Variants in ARMC3 observed in about 807,000 individuals in gnomAD.
ARMC3 encodes the protein armadillo repeat containing 3.
Under a neutral mutation model 90.3 loss-of-function variants are expected in ARMC3, and 74 were observed. That is an observed-to-expected ratio of 0.82 (90% CI 0.68 to 0.99). The LOEUF (loss-of-function observed/expected upper bound fraction) is 0.99. Ranked by LOEUF, ARMC3 falls within the 50% of genes least tolerant of loss-of-function variation. The probability of loss-of-function intolerance (pLI) is 0.00; values close to 1 mark genes in which losing one functional copy is unlikely to be tolerated. For missense variants in ARMC3, 958 were observed against 1,042.8 expected (o/e 0.92, Z 1.12); for synonymous variants, 334 against 361.8 (o/e 0.92, Z 0.87).
intron 3 of ARMC3, among the ~76,000 whole-genome samples, chr10:22,954,365 A>T (rs1409214648): frequency 1.3e-5 from 2 of 152,136 alleles, no homozygotes; most frequent in African/African-American, 4.8e-5. Flanking sequence ...TGTTATGTTT[A>T]TAGAAAAATG....
intron 18 of ARMC3, among the ~76,000 whole-genome samples, chr10:23,033,471 G>A (rs1487182377): frequency 6.6e-6 from 1 of 152,110 alleles, no homozygotes; most frequent in Admixed American, 6.6e-5. Flanking sequence ...AGTAAAGAAG[G>A]AAAACAAGCG....
chr10:22,978,455 A>C (rs996973186), intron 8 of ARMC3, among the ~76,000 whole-genome samples: 15 of 152,292 alleles, frequency 9.8e-5, no homozygotes, highest in Non-Finnish European at 1.9e-4. Context: ...TTCAATTATC[A>C]CCACCTGTTC....
chr10:23,006,740 T>G, intron 13 of ARMC3, 144 bp from the exon 14 acceptor site: 1 of 645,690 alleles, frequency 1.5e-6, no homozygotes, highest in South Asian at 1.8e-5. Context: ...TATTTCTAAT[T>G]TTATATATGT....
intron 2 of ARMC3, among the ~76,000 whole-genome samples, chr10:22,941,194 A>G (rs1416145763): frequency 1.3e-5 from 2 of 152,208 alleles, no homozygotes; most frequent in Non-Finnish European, 2.9e-5. Context: ...GACCAGTCAT[A>G]GGAGGGGAAT....
At chr10:22,928,309 C>A (rs1422837700) in intron 1 of ARMC3, among the ~76,000 whole-genome samples, 1 of 152,180 alleles carries the variant, frequency 6.6e-6, no homozygotes, top group Non-Finnish European at 1.5e-5. Flanking sequence ...TCCCATTCAA[C>A]AGGTGACAAA....
intron 17 of ARMC3, among the ~76,000 whole-genome samples, chr10:23,032,534 T>C (rs78585164): frequency 0.015 from 2,343 of 152,208 alleles, 51 homozygotes; most frequent in African/African-American, 0.053. Flanking sequence ...TTTTCAAGAG[T>C]AAGAAAAAAT....
intron 10 of ARMC3, among the ~76,000 whole-genome samples, chr10:22,994,975 G>A (rs1836886300): frequency 6.6e-6 from 1 of 152,154 alleles, no homozygotes; most frequent in Non-Finnish European, 1.5e-5. Context: ...ACTCCAACTG[G>A]ATGGAGACTA....
At chr10:22,994,407 T>C (rs1475073014) in intron 10 of ARMC3, among the ~76,000 whole-genome samples, 2 of 151,984 alleles carry the variant, frequency 1.3e-5, no homozygotes, top group African/African-American at 4.8e-5. Context: ...TGTCAGAAAT[T>C]TGGGGGTAGG....
At chr10:23,012,420 CAT>C (rs1838059241) in intron 16 of ARMC3, among the ~76,000 whole-genome samples, 1 of 152,128 alleles carries the variant, frequency 6.6e-6, no homozygotes, top group African/African-American at 2.4e-5. Context: ...TCCTACTCTC[CAT>C]AGTTTTAGCT....
intron 4 of ARMC3, 112 bp downstream of exon 4, chr10:22,956,044 T>A (rs1834926014): frequency 1.9e-6 from 2 of 1,068,096 alleles, no homozygotes; most frequent in African/African-American, 3.2e-5. Flanking sequence ...GACTTTCATG[T>A]TCACAAAAAC....
intron 10 of ARMC3, among the ~76,000 whole-genome samples, chr10:22,983,841 A>G (rs1836292691): frequency 6.6e-6 from 1 of 152,236 alleles, no homozygotes; most frequent in African/African-American, 2.4e-5. Context: ...AGAAGTGACT[A>G]CAAATGTGAT....
chr10:23,005,230 A>G (rs1444818621), intron 13 of ARMC3, among the ~76,000 whole-genome samples: 1 of 151,456 alleles, frequency 6.6e-6, no homozygotes, highest in African/African-American at 2.4e-5. Flanking sequence ...AAAAAAAAAA[A>G]AAACCAAACC....
At chr10:22,930,489 C>G (rs1334217294) in intron 1 of ARMC3, among the ~76,000 whole-genome samples, 2 of 152,124 alleles carry the variant, frequency 1.3e-5, no homozygotes, top group Non-Finnish European at 2.9e-5. Context: ...GATGCAGGCA[C>G]ATTTTAACAT....
intron 11 of ARMC3, among the ~76,000 whole-genome samples, chr10:23,001,189 A>T (rs1837269866): frequency 6.6e-6 from 1 of 152,086 alleles, no homozygotes; most frequent in African/African-American, 2.4e-5. Flanking sequence ...AATCTTAGGG[A>T]CTGTGTTAAC....
intron 1 of ARMC3, among the ~76,000 whole-genome samples, chr10:22,929,309 AG>A (rs1833838824): frequency 2.2e-5 from 3 of 136,972 alleles, no homozygotes; most frequent in African/African-American, 9.3e-5. Context: ...AGAAAGAAAA[AG>A]AAAAAGAAAG....
At chr10:23,032,558 T>A (rs1838958402) in intron 17 of ARMC3, among the ~76,000 whole-genome samples, 1 of 151,576 alleles carries the variant, frequency 6.6e-6, no homozygotes, top group Non-Finnish European at 1.5e-5. Context: ...AAAACTGCAT[T>A]GATATTTAGA....
At chr10:22,978,411 C>G (rs1041261158) in intron 8 of ARMC3, among the ~76,000 whole-genome samples, 6 of 152,172 alleles carry the variant, frequency 3.9e-5, no homozygotes, top group Non-Finnish European at 4.4e-5. Flanking sequence ...AACTCACTAT[C>G]AGGAGAACAG....
chr10:22,946,210 G>C lies in ARMC3; in HGVS notation c.115G>C (p.Glu39Gln). 6.2e-7 allele frequency: 1 copy of C among 1,613,126 alleles called. No homozygotes were observed. Among genetic ancestry groups the C allele is most frequent in the East Asian group, 2.2e-5 (1 of 44,812 alleles). Residue 39 changes from glutamate to glutamine, a missense_variant, in exon 3 of 19, where the codon GAG becomes CAG. Coordinates refer to ENST00000298032, the MANE Select transcript of ARMC3 (RefSeq NM_173081.5). ...TVVLMLNSPE[E>Q]EILAKACEAI... ...GGTGTTAATGCTTAATTCTCCAGAAGAGGAAATTTTGGCTAAAGCATGTGA... is the reference window on the plus strand; with the variant it reads ...GGTGTTAATGCTTAATTCTCCAGAACAGGAAATTTTGGCTAAAGCATGTGA...
chr10:22,937,234 C>A (rs1236797241), intron 2 of ARMC3, among the ~76,000 whole-genome samples: 2 of 152,076 alleles, frequency 1.3e-5, no homozygotes, highest in Non-Finnish European at 2.9e-5. Context: ...TATAGATTCA[C>A]ACTTAAATAA....
Sources: gnomAD v4.1 joint callset for allele counts (sites outside exome capture counted in the v4.1 genomes callset) on GRCh38, gnomAD v4.1.1 for gene constraint, MANE v1.5 for transcripts, NCBI Gene and HGNC (gene_info 2026-07-23, HGNC 2026-07-21) for gene names.